B3GLCT: variants seen among roughly 807,000 people sequenced by gnomAD.
B3GLCT encodes the protein beta-1,3-glucosyltransferase.
B3GLCT carries 65 observed loss-of-function variants against 63.4 expected under a neutral mutation model. The observed-to-expected ratio is 1.03, with a 90% CI of 0.84 to 1.26. B3GLCT has a LOEUF of 1.26. Ranked by LOEUF, B3GLCT falls within the 50% of genes most tolerant of loss-of-function variation. The probability of loss-of-function intolerance (pLI) is 0.00; values close to 1 mark genes in which losing one functional copy is unlikely to be tolerated. For synonymous variants in B3GLCT, 233 were observed against 219.2 expected (o/e 1.06, Z -0.55); for missense variants, 577 against 604.8 (o/e 0.95, Z 0.48).
At chr13:31,297,981 C>T (rs1033751493) in intron 12 of B3GLCT, among the ~76,000 whole-genome samples, 2 of 152,142 alleles carry the variant, frequency 1.3e-5, no homozygotes, top group African/African-American at 4.8e-5. Flanking sequence ...GAAGCCTGCT[C>T]TCTTGGGGTT....
chr13:31,264,554 T>C (rs755119298), intron 7 of B3GLCT, among the ~76,000 whole-genome samples: 1 of 152,212 alleles, frequency 6.6e-6, no homozygotes, highest in South Asian at 2.1e-4. Flanking sequence ...TTAGATCATA[T>C]TTCCTTTCCC....
chr13:31,228,891 A>G (rs1318671130), intron 3 of B3GLCT, among the ~76,000 whole-genome samples: 2 of 152,228 alleles, frequency 1.3e-5, no homozygotes, highest in Non-Finnish European at 2.9e-5. Flanking sequence ...AGATATTTTC[A>G]CACATTTTCA....
At chr13:31,319,654 T>C (rs558216252) in intron 13 of B3GLCT, among the ~76,000 whole-genome samples, 7 of 152,164 alleles carry the variant, frequency 4.6e-5, no homozygotes, top group Non-Finnish European at 1.0e-4. Context: ...TAGTCCTCCT[T>C]CTCACCCTGT....
At chr13:31,286,574 GA>G in intron 11 of B3GLCT, 145 bp from the exon 12 acceptor site, 1 of 595,452 alleles carries the variant, frequency 1.7e-6, no homozygotes, top group Admixed American at 3.0e-5. Context: ...GAAAATTAGA[GA>G]AGGCTATTTT....
chr13:31,275,713 C>T (rs1028752), intron 9 of B3GLCT, among the ~76,000 whole-genome samples: 94,836 of 151,926 alleles, frequency 0.62, 31,156 homozygotes, highest in South Asian at 0.75. Flanking sequence ...TCACCAACCT[C>T]AGATATTGTC....
chr13:31,287,919 C>G (rs912559043), intron 12 of B3GLCT, among the ~76,000 whole-genome samples: 2 of 151,992 alleles, frequency 1.3e-5, no homozygotes, highest in African/African-American at 4.8e-5. Context: ...TCAGTGAACT[C>G]GAAGACATTG....
intron 8 of B3GLCT, among the ~76,000 whole-genome samples, chr13:31,273,111 GAC>G (rs1290830770): frequency 4.0e-5 from 6 of 151,836 alleles, no homozygotes; most frequent in African/African-American, 1.5e-4. Context: ...TTTCTTTTGA[GAC>G]AGAGTCTCTC....
At chr13:31,248,063 A>G in intron 6 of B3GLCT, 97 bp downstream of exon 6, 1 of 708,298 alleles carries the variant, frequency 1.4e-6, no homozygotes, top group Non-Finnish European at 2.5e-6. Flanking sequence ...ATAAAAAACC[A>G]CTTAGTTTAA....
At chr13:31,294,192 T>G (rs1873819359) in intron 12 of B3GLCT, among the ~76,000 whole-genome samples, 1 of 152,252 alleles carries the variant, frequency 6.6e-6, no homozygotes, top group Admixed American at 6.5e-5. Flanking sequence ...GTTTGTCTGA[T>G]GGACTTCCCT....
At chr13:31,229,458 T>C (rs1022337147) in intron 4 of B3GLCT, among the ~76,000 whole-genome samples, 164 bp downstream of exon 4, 2 of 152,204 alleles carry the variant, frequency 1.3e-5, no homozygotes, top group African/African-American at 4.8e-5. Flanking sequence ...TGAAAATGTT[T>C]CGGTCAGCTG....
chr13:31,288,353 G>T (rs1873454292), intron 12 of B3GLCT, among the ~76,000 whole-genome samples: 2 of 152,112 alleles, frequency 1.3e-5, no homozygotes, highest in Admixed American at 6.6e-5. Flanking sequence ...CATACCAGCT[G>T]CTCAGGGGGC....
At chr13:31,273,033 C>G (rs1872637394) in intron 8 of B3GLCT, among the ~76,000 whole-genome samples, 1 of 152,050 alleles carries the variant, frequency 6.6e-6, no homozygotes, top group Non-Finnish European at 1.5e-5. Flanking sequence ...GTAGATGATT[C>G]TAGGTTGCCA....
chr13:31,266,126 T>C (rs142748013), intron 7 of B3GLCT, among the ~76,000 whole-genome samples: 3,438 of 152,080 alleles, frequency 0.023, 75 homozygotes, highest in Admixed American at 0.041. Flanking sequence ...GCCTCCCGAG[T>C]AGCTGGGACT....
At chr13:31,217,691 T>G (rs945207828) in intron 2 of B3GLCT, among the ~76,000 whole-genome samples, 2 of 152,238 alleles carry the variant, frequency 1.3e-5, no homozygotes, top group Admixed American at 1.3e-4. Flanking sequence ...ATTTATTGAA[T>G]AGTGAGTCCT....
At chr13:31,320,765 T>C (rs895811695) in intron 13 of B3GLCT, among the ~76,000 whole-genome samples, 38 of 152,220 alleles carry the variant, frequency 2.5e-4, no homozygotes, top group African/African-American at 7.5e-4. Flanking sequence ...CTTGCTGAAC[T>C]TGTTTCAGTT....
chr13:31,258,539 TATAGC>T (rs1193288804), intron 6 of B3GLCT, among the ~76,000 whole-genome samples: 1 of 152,198 alleles, frequency 6.6e-6, no homozygotes, highest in East Asian at 1.9e-4. Context: ...TTTTGCTGGG[TATAGC>T]ATTCTGAGTT....
At chr13:31,290,535 G>A (rs1873602036) in intron 12 of B3GLCT, among the ~76,000 whole-genome samples, 1 of 152,160 alleles carries the variant, frequency 6.6e-6, no homozygotes, top group Admixed American at 6.5e-5. Context: ...GTTGTTTCCT[G>A]ACTTTTAATG....
chr13:31,285,960 CAG>C (rs1274867240), intron 11 of B3GLCT, among the ~76,000 whole-genome samples: 4 of 152,060 alleles, frequency 2.6e-5, no homozygotes, highest in Non-Finnish European at 5.9e-5. Context: ...TAAAAATACA[CAG>C]AGATCAAGAG....
intron 12 of B3GLCT, among the ~76,000 whole-genome samples, chr13:31,314,109 C>A (rs778056681): frequency 3.9e-5 from 6 of 152,160 alleles, no homozygotes; most frequent in Non-Finnish European, 7.4e-5. Context: ...TATGGAAATG[C>A]CTGGATGCCC....
Sources: allele counts gnomAD v4.1 joint callset (sites outside exome capture counted in the v4.1 genomes callset), GRCh38; gene constraint gnomAD v4.1.1; transcripts MANE v1.5; gene names NCBI Gene and HGNC (gene_info 2026-07-23, HGNC 2026-07-21).